The following ATXN1 variants were observed in gnomAD, a reference collection of about 807,000 sequenced individuals.
The protein encoded by ATXN1 is ataxin-1.
In ATXN1, 8 loss-of-function variants were observed where a neutral mutation model predicts 56.4. The observed-to-expected ratio is 0.14, with a 90% confidence interval of 0.08 to 0.26. ATXN1 has a LOEUF of 0.26. Among genes scored for constraint, ATXN1 ranks in the 10% least tolerant of loss-of-function variants. ATXN1 has a pLI of 1.00. For missense variants in ATXN1, 987 were observed against 1,106.5 expected (o/e 0.89, Z 1.53); for synonymous variants, 514 against 494.6 (o/e 1.04, Z -0.52).
intron 6 of ATXN1, among the ~76,000 whole-genome samples, chr6:16,358,728 C>T (rs1761744550): frequency 6.6e-6 from 1 of 152,208 alleles, no homozygotes; most frequent in African/African-American, 2.4e-5. Flanking sequence ...TCCTGCTCCA[C>T]AGAGCAAGCA....
intron 7 of ATXN1, among the ~76,000 whole-genome samples, chr6:16,313,795 C>G (rs1760452267): frequency 6.6e-6 from 1 of 152,148 alleles, no homozygotes; most frequent in African/African-American, 2.4e-5. Context: ...CTCCTGATCT[C>G]AGGCGATCTG....
chr6:16,703,045 G>A (rs1017341749), intron 2 of ATXN1, among the ~76,000 whole-genome samples: 20 of 151,934 alleles, frequency 1.3e-4, no homozygotes, highest in African/African-American at 3.6e-4. Flanking sequence ...TGTTTATTGC[G>A]GCACTATTCA....
intron 2 of ATXN1, among the ~76,000 whole-genome samples, chr6:16,728,794 T>C (rs952716330): frequency 6.6e-6 from 1 of 152,212 alleles, no homozygotes; most frequent in Admixed American, 6.5e-5. Flanking sequence ...ATCAAAATTC[T>C]GGTATACCCA....
chr6:16,358,378 G>A (rs967371159), intron 6 of ATXN1, among the ~76,000 whole-genome samples: 1 of 152,152 alleles, frequency 6.6e-6, no homozygotes, highest in Non-Finnish European at 1.5e-5. Flanking sequence ...AGCACAATTC[G>A]CAATTGCAGA....
chr6:16,663,225 T>C (rs1171766244), intron 2 of ATXN1, among the ~76,000 whole-genome samples: 1 of 152,058 alleles, frequency 6.6e-6, no homozygotes, highest in Non-Finnish European at 1.5e-5. Context: ...CACCTCGGCC[T>C]CCCGAAGTGC....
chr6:16,668,918 T>C (rs562346872), intron 2 of ATXN1, among the ~76,000 whole-genome samples: 41 of 152,156 alleles, frequency 2.7e-4, no homozygotes, highest in Non-Finnish European at 5.6e-4. Flanking sequence ...ATCTTTGTAA[T>C]GAATATTATT....
intron 3 of ATXN1, among the ~76,000 whole-genome samples, chr6:16,599,547 C>T (rs1325886738): frequency 6.6e-6 from 1 of 151,898 alleles, no homozygotes; most frequent in African/African-American, 2.4e-5. Flanking sequence ...CTTGTCTCTA[C>T]TAAAAATACA....
At chr6:16,448,535 C>T (rs987326018) in intron 6 of ATXN1, among the ~76,000 whole-genome samples, 10 of 152,194 alleles carry the variant, frequency 6.6e-5, no homozygotes, top group African/African-American at 2.4e-4. Flanking sequence ...TTCTATTTAA[C>T]TGTATTTTTG....
At chr6:16,715,879 A>C (rs1305714613) in intron 2 of ATXN1, among the ~76,000 whole-genome samples, 1 of 152,140 alleles carries the variant, frequency 6.6e-6, no homozygotes, top group East Asian at 1.9e-4. Context: ...ACGTCCCCTA[A>C]GCCCTACCTC....
intron 3 of ATXN1, among the ~76,000 whole-genome samples, chr6:16,606,696 T>C (rs374034156): frequency 3.3e-5 from 5 of 150,400 alleles, no homozygotes; most frequent in African/African-American, 1.2e-4. Flanking sequence ...ACCTGGCTAA[T>C]TTTTTGTATT....
chr6:16,357,230 A>T (rs1312177431), intron 6 of ATXN1, among the ~76,000 whole-genome samples: 1 of 87,454 alleles, frequency 1.1e-5, no homozygotes, highest in African/African-American at 5.0e-5. Flanking sequence ...TTATTTTATT[A>T]TTTTTTATTT....
chr6:16,499,917 A>T (rs1375722637), intron 5 of ATXN1, among the ~76,000 whole-genome samples: 1 of 152,218 alleles, frequency 6.6e-6, no homozygotes, highest in Non-Finnish European at 1.5e-5. Flanking sequence ...TTTAGAAAGT[A>T]CTAATGTCTG....
At chr6:16,694,621 G>A (rs758454801) in intron 2 of ATXN1, among the ~76,000 whole-genome samples, 5 of 152,058 alleles carry the variant, frequency 3.3e-5, no homozygotes, top group Non-Finnish European at 5.9e-5. Flanking sequence ...TATCTTTTCC[G>A]ATTAGAAACT....
chr6:16,424,284 C>T (rs900579946), intron 6 of ATXN1, among the ~76,000 whole-genome samples: 1 of 152,148 alleles, frequency 6.6e-6, no homozygotes, highest in East Asian at 1.9e-4. Context: ...GGACACAAGC[C>T]GGGTGTGTGC....
chr6:16,533,851 G>A (rs1761548557), intron 4 of ATXN1, among the ~76,000 whole-genome samples: 3 of 152,134 alleles, frequency 2.0e-5, no homozygotes, highest in South Asian at 4.1e-4. Context: ...CACAAGAGGT[G>A]ACTTCATGGA....
At chr6:16,604,098 A>AG (rs1561774945) in intron 3 of ATXN1, among the ~76,000 whole-genome samples, 1 of 152,098 alleles carries the variant, frequency 6.6e-6, no homozygotes, top group South Asian at 2.1e-4. Flanking sequence ...GGCTTCGTAA[A>AG]GGGGGGATTC....
chr6:16,595,183 T>C (rs1186783192), intron 3 of ATXN1, among the ~76,000 whole-genome samples: 3 of 152,186 alleles, frequency 2.0e-5, no homozygotes, highest in Non-Finnish European at 4.4e-5. Flanking sequence ...AAGAGAGGGC[T>C]GATTAGATGG....
chr6:16,537,920 T>C (rs1267921708), intron 4 of ATXN1, among the ~76,000 whole-genome samples: 14 of 152,008 alleles, frequency 9.2e-5, no homozygotes, highest in Non-Finnish European at 1.3e-4. Context: ...CTGGCCATCA[T>C]GGTGATACCC....
chr6:16,318,030 CAAT>C (rs1393648305), intron 7 of ATXN1, among the ~76,000 whole-genome samples: 12 of 152,338 alleles, frequency 7.9e-5, no homozygotes, highest in African/African-American at 2.6e-4. Context: ...ACCACTTAGT[CAAT>C]AACTACTATA....
Sources: allele counts gnomAD v4.1 joint callset (sites outside exome capture counted in the v4.1 genomes callset), GRCh38; gene constraint gnomAD v4.1.1; transcripts MANE v1.5; gene names NCBI Gene and HGNC (gene_info 2026-07-23, HGNC 2026-07-21).